The following KCNT2 variants were observed in gnomAD, a reference collection of about 807,000 sequenced individuals.
The protein encoded by KCNT2 is potassium sodium-activated channel subfamily T member 2.
In KCNT2, 67 loss-of-function variants were observed where a neutral mutation model predicts 153.8. The observed-to-expected ratio is 0.44, with a 90% confidence interval of 0.36 to 0.53. The LOEUF (loss-of-function observed/expected upper bound fraction) is 0.53, where lower values mean the gene tolerates loss of function less well. KCNT2 is among the 20% of genes least tolerant of loss of function. The pLI is 0.00. For missense variants in KCNT2, 975 were observed against 1,354.8 expected (o/e 0.72, Z 4.40); for synonymous variants, 500 against 458.8 (o/e 1.09, Z -1.15).
At chr1:196,493,954 G>T (rs75648508) in intron 1 of KCNT2, among the ~76,000 whole-genome samples, 5,190 of 152,224 alleles carry the variant, frequency 0.034, 304 homozygotes, top group African/African-American at 0.12. Context: ...CAGACTAGAA[G>T]TTGGAAAAGT....
At chr1:196,342,420 C>CTATA (rs71154738) in intron 14 of KCNT2, among the ~76,000 whole-genome samples, 192 bp from the exon 15 acceptor site, 2,602 of 132,602 alleles carry the variant, frequency 0.02, 52 homozygotes, top group African/African-American at 0.046. Context: ...ATTTTGAATA[C>CTATA]TATATATATA....
At chr1:196,490,229 C>A (rs571531272) in intron 2 of KCNT2, among the ~76,000 whole-genome samples, 1 of 151,450 alleles carries the variant, frequency 6.6e-6, no homozygotes, top group Non-Finnish European at 1.5e-5. Flanking sequence ...TGTGTCCAAT[C>A]GAGGTTGATT....
At chr1:196,375,560 T>C (rs1668889502) in intron 13 of KCNT2, among the ~76,000 whole-genome samples, 2 of 151,770 alleles carry the variant, frequency 1.3e-5, no homozygotes, top group East Asian at 1.9e-4. Flanking sequence ...TTTCCCACTG[T>C]CTTCTTGTTT....
chr1:196,353,370 C>T (rs528966571), intron 14 of KCNT2, among the ~76,000 whole-genome samples: 30 of 151,986 alleles, frequency 2.0e-4, no homozygotes, highest in African/African-American at 7.2e-4. Context: ...CCGATCATCT[C>T]TTTTTATAGA....
chr1:196,395,577 G>T (rs1294617155), intron 13 of KCNT2, among the ~76,000 whole-genome samples: 1 of 151,448 alleles, frequency 6.6e-6, no homozygotes, highest in Non-Finnish European at 1.5e-5. Context: ...TGAGGGGGTT[G>T]TTTCTCATAT....
intron 21 of KCNT2, among the ~76,000 whole-genome samples, chr1:196,313,183 T>G (rs975459319): frequency 6.6e-6 from 1 of 151,604 alleles, no homozygotes; most frequent in Non-Finnish European, 1.5e-5. Context: ...AAAAAGGTAG[T>G]AGGATCGGTG....
At chr1:196,319,832 T>C (rs995236406) in intron 19 of KCNT2, among the ~76,000 whole-genome samples, 7 of 151,844 alleles carry the variant, frequency 4.6e-5, no homozygotes, top group Admixed American at 2.0e-4. Context: ...AGAATTGATA[T>C]TCTTAATTAT....
intron 25 of KCNT2, among the ~76,000 whole-genome samples, chr1:196,264,414 T>G (rs1188497669): frequency 6.6e-6 from 1 of 152,046 alleles, no homozygotes; most frequent in Non-Finnish European, 1.5e-5. Context: ...ATTTAGAAAT[T>G]TAAGTCTTCT....
In KCNT2 at chr1:196,607,476, A is replaced by T. The variant is rs1296211010; in HGVS notation, c.95+739T>A. On this transcript the variant is annotated intron_variant, in intron 1 of 27. Transcript: ENST00000294725. ...ATGAACAATATTTTGCTAACAATAAATATTCTAGTTTTGAAACTTAATTTT... is the reference window on the plus strand; with the variant it reads ...ATGAACAATATTTTGCTAACAATAATTATTCTAGTTTTGAAACTTAATTTT... 2.0e-5 allele frequency among the ~76,000 whole-genome samples: 3 copies of T among 152,218 alleles called. No homozygotes were observed. In the East Asian group the frequency reaches 5.8e-4, roughly 29 times the overall value.
At chr1:196,420,039 C>T (rs1673075051) in intron 12 of KCNT2, among the ~76,000 whole-genome samples, 1 of 151,904 alleles carries the variant, frequency 6.6e-6, no homozygotes, top group Admixed American at 6.6e-5. Context: ...CTCTAACTAC[C>T]ATAATTTTCT....
chr1:196,513,056 C>T (rs781451745), intron 1 of KCNT2, among the ~76,000 whole-genome samples: 2 of 152,078 alleles, frequency 1.3e-5, no homozygotes, highest in Non-Finnish European at 2.9e-5. Context: ...TTTCCCCATG[C>T]CTATCCTTTC....
intron 22 of KCNT2, among the ~76,000 whole-genome samples, chr1:196,286,636 CAT>C (rs1342439025): frequency 2.7e-4 from 38 of 139,040 alleles, no homozygotes; most frequent in Non-Finnish European, 3.9e-4. Flanking sequence ...CACACACACA[CAT>C]ACACACACAC....
intron 22 of KCNT2, among the ~76,000 whole-genome samples, chr1:196,290,263 T>G (rs994859765): frequency 6.6e-6 from 1 of 152,118 alleles, no homozygotes; most frequent in Non-Finnish European, 1.5e-5. Flanking sequence ...CTTACAGTGT[T>G]TGACAAACTA....
At chr1:196,284,780 G>T (rs1271201887) in intron 23 of KCNT2, among the ~76,000 whole-genome samples, 2 of 152,150 alleles carry the variant, frequency 1.3e-5, no homozygotes, top group African/African-American at 4.8e-5. Flanking sequence ...TCCTGACGTT[G>T]CTAGAGGCAT....
intron 12 of KCNT2, 42 bp from the exon 13 acceptor site, chr1:196,398,713 T>G: frequency 9.9e-7 from 1 of 1,011,792 alleles, no homozygotes; most frequent in Non-Finnish European, 1.5e-6. Flanking sequence ...TAAGTTACAA[T>G]GTTTATAACA....
intron 5 of KCNT2, among the ~76,000 whole-genome samples, chr1:196,478,826 T>A (rs746463799): frequency 1.3e-5 from 2 of 152,160 alleles, no homozygotes; most frequent in Non-Finnish European, 1.5e-5. Context: ...ATAAGATAAT[T>A]TATTAAAATA....
chr1:196,354,810 GCAAT>G (rs1667036547), intron 14 of KCNT2, among the ~76,000 whole-genome samples: 1 of 151,698 alleles, frequency 6.6e-6, no homozygotes, highest in African/African-American at 2.4e-5. Flanking sequence ...CCATTTGGTT[GCAAT>G]CAGTTTGTTG....
At chr1:196,431,723 T>C (rs1486112748) in intron 8 of KCNT2, among the ~76,000 whole-genome samples, 2 of 152,042 alleles carry the variant, frequency 1.3e-5, no homozygotes, top group African/African-American at 4.8e-5. Flanking sequence ...CTGCTTTTAG[T>C]AAAATGTCAG....
At chr1:196,404,397 G>C (rs939377232) in intron 12 of KCNT2, among the ~76,000 whole-genome samples, 1 of 151,524 alleles carries the variant, frequency 6.6e-6, no homozygotes, top group Non-Finnish European at 1.5e-5. Context: ...CAGTGGTTTC[G>C]TTTCTTTTGG....
Sources: gnomAD v4.1 joint callset for allele counts (sites outside exome capture counted in the v4.1 genomes callset) on GRCh38, gnomAD v4.1.1 for gene constraint, MANE v1.5 for transcripts, NCBI Gene and HGNC (gene_info 2026-07-23, HGNC 2026-07-21) for gene names.